Variants in TMPO observed in about 807,000 individuals in gnomAD.
TMPO encodes the protein LEM domain containing 4.
Under a neutral mutation model 45.4 loss-of-function variants are expected in TMPO, and 22 were observed. The observed-to-expected ratio is 0.48, with a 90% CI of 0.35 to 0.69. The LOEUF is 0.69. Among genes scored for constraint, TMPO ranks in the 30% least tolerant of loss-of-function variants. TMPO has a pLI of 0.01. For synonymous variants in TMPO, 241 were observed against 204.1 expected, an observed-to-expected ratio of 1.18 and a Z score of -1.54; for missense variants, 512 against 548.8, an observed-to-expected ratio of 0.93 and a Z score of 0.67.
At position 98,527,878 on chromosome 12, in the gene TMPO, G is replaced by A. The variant is rs943754313; in HGVS notation, c.280-8G>A. On this transcript the variant is annotated splice_region_variant and splice_polypyrimidine_tract_variant and intron_variant, in intron 1 of 8. Transcript: ENST00000556029. Reference sequence around the variant, plus strand: ...CATATGGAAATGATTACTGGACTTTGTTTACAGAAAGCCACAAAAAAAACT... The same window carrying A: ...CATATGGAAATGATTACTGGACTTTATTTACAGAAAGCCACAAAAAAAACT... The A allele has an allele frequency of 1.2e-5, 19 of 1,613,228 alleles. No individual in the cohort carries two copies. The highest frequency in any genetic ancestry group is 6.7e-5 in the Admixed American group (4 of 59,950).
intron 3 of TMPO, chr12:98,534,656 A>T (rs1474390030): frequency 1.7e-6 from 2 of 1,174,558 alleles, no homozygotes; most frequent in Non-Finnish European, 2.1e-6. Flanking sequence ...TCTAATTAGG[A>T]TATAAGGAGT....
rs201960762 is a variant in TMPO, at chr12:98,515,939, T to C, written c.72T>C (p.Asn24=). 4 of 1,613,458 alleles carry C rather than the reference T, an allele frequency of 2.5e-6. No individual in the cohort carries two copies. The African/African-American group carries it at 4.0e-5, about 16-fold the overall frequency. ...TGAAGAGTGAGTTGGTCGCCAACAA[T>C]GTGACGCTGCCGGCCGGGGAGCAGC... ...DKLKSELVAN[N]VTLPAGEQRK... Residue 24 remains asparagine (N), a synonymous_variant, in exon 1 of 9, where the codon AAT becomes AAC. Coordinates refer to ENST00000556029, the MANE Select transcript of TMPO (RefSeq NM_001032283.3).
At chr12:98,544,597 A>C in intron 6 of TMPO, 60 bp downstream of exon 6, 1 of 1,384,264 alleles carries the variant, frequency 7.2e-7, no homozygotes, top group Non-Finnish European at 1.0e-6. Context: ...TTTAATTGGA[A>C]ATGGGGAGGT....
At position 98,547,862 on chromosome 12, in the gene TMPO, G is replaced by A. The variant is rs1471894531; in HGVS notation, c.*4G>A. 5 of 1,613,792 alleles carry A rather than the reference G, an allele frequency of 3.1e-6. No individual in the cohort carries two copies. The South Asian group carries it at 3.3e-5, about 11-fold the overall frequency. ...TGACCCTAGAAAATCCAACTGAATG[G>A]TATCTCTTTGGCACGTTCAACTTGG... On this transcript the variant is annotated 3_prime_UTR_variant, in exon 9 of 9. Coordinates refer to ENST00000556029, the MANE Select transcript of TMPO (RefSeq NM_001032283.3).
chr12:98,524,434 T>A (rs966667184), intron 1 of TMPO, among the ~76,000 whole-genome samples: 3 of 152,148 alleles, frequency 2.0e-5, no homozygotes, highest in African/African-American at 7.2e-5. Context: ...TAGCTGGGCG[T>A]GGTGGCATGC....
chr12:98,538,572 C>T (rs932718334), intron 4 of TMPO, among the ~76,000 whole-genome samples: 6 of 152,116 alleles, frequency 3.9e-5, no homozygotes, highest in Non-Finnish European at 2.9e-5. Context: ...AGGCTGGTCT[C>T]AAACTCCTGA....
intron 1 of TMPO, among the ~76,000 whole-genome samples, chr12:98,520,720 G>T (rs1021872740): frequency 8.6e-5 from 13 of 151,490 alleles, no homozygotes; most frequent in African/African-American, 3.2e-4. Flanking sequence ...GCCTAGCTGA[G>T]ACTACAGGTG....
intron 7 of TMPO, among the ~76,000 whole-genome samples, 154 bp downstream of exon 7, chr12:98,545,215 A>G (rs1878161228): frequency 6.7e-6 from 1 of 148,872 alleles, no homozygotes; most frequent in Non-Finnish European, 1.5e-5. Flanking sequence ...TATTTTAAGG[A>G]CACTTTTATT....
At chr12:98,525,738 CAAA>C (rs34394677) in intron 1 of TMPO, among the ~76,000 whole-genome samples, 14 of 95,694 alleles carry the variant, frequency 1.5e-4, no homozygotes, top group Non-Finnish European at 1.5e-4. Context: ...GGCACAGTCT[CAAA>C]AAAAAAAAAA....
chr12:98,517,287 G>A (rs1396348816), intron 1 of TMPO, among the ~76,000 whole-genome samples: 2 of 152,230 alleles, frequency 1.3e-5, no homozygotes, highest in Non-Finnish European at 2.9e-5. Context: ...ATCGGCTCCA[G>A]CAAAGCATGT....
Position 98,547,869 on chromosome 12 carries a change from T to C in TMPO, c.*11T>C. On this transcript the variant is annotated 3_prime_UTR_variant, in exon 9 of 9. Coordinates refer to ENST00000556029, the MANE Select transcript of TMPO (RefSeq NM_001032283.3). Reference sequence around the variant, plus strand: ...AGAAAATCCAACTGAATGGTATCTCTTTGGCACGTTCAACTTGGTCTCCTA... The same window carrying C: ...AGAAAATCCAACTGAATGGTATCTCCTTGGCACGTTCAACTTGGTCTCCTA... 6.2e-7 allele frequency: 1 copy of C among 1,613,658 alleles called. No individual in the cohort carries two copies.
chr12:98,544,207 T>C (rs1318412611), intron 4 of TMPO, 23 bp from the exon 5 acceptor site: 2 of 1,612,938 alleles, frequency 1.2e-6, no homozygotes, highest in African/African-American at 2.7e-5. Flanking sequence ...ATATGACTTT[T>C]TAATGTGTTG....
At chr12:98,544,914 G>A (rs1308999562) in intron 6 of TMPO, 37 bp from the exon 7 acceptor site, 3 of 1,395,094 alleles carry the variant, frequency 2.2e-6, no homozygotes, top group Non-Finnish European at 3.1e-6. Context: ...TGTTATGTTT[G>A]GATAATTCTG....
chr12:98,528,247 C>G (rs1379366243), intron 2 of TMPO, among the ~76,000 whole-genome samples: 1 of 136,284 alleles, frequency 7.3e-6, no homozygotes, highest in African/African-American at 2.8e-5. Context: ...GTGCTTATAT[C>G]GTACTTTTTT....
chr12:98,533,864 T>C lies in TMPO; in HGVS notation c.565+2026T>C, dbSNP rs1555203926. 1.9e-6 allele frequency: 3 copies of C among 1,614,220 alleles called. No individual in the cohort carries two copies. Among genetic ancestry groups the C allele is most frequent in the Non-Finnish European group, 2.5e-6 (3 of 1,180,036 alleles). On this transcript the variant is annotated intron_variant, in intron 3 of 8. Coordinates refer to ENST00000556029, the MANE Select transcript of TMPO (RefSeq NM_001032283.3). ...ACACAGATATTATCAGTTCCAAAAG[T>C]AGATGATGAAATCCTAGGGTTTATT...
chr12:98,521,944 TCTCAAACTCCTTCCTGACTTTGTGATCTG>T (rs1876402450), intron 1 of TMPO, among the ~76,000 whole-genome samples: 1 of 152,096 alleles, frequency 6.6e-6, no homozygotes, highest in African/African-American at 2.4e-5. Context: ...GTCAGGCCGG[TCTCAAACTCCTTCCTGACTTTGTGATCTG>T]CCCCCCTTAG....
At chr12:98,531,209 G>C (rs906627354) in intron 2 of TMPO, among the ~76,000 whole-genome samples, 1 of 149,096 alleles carries the variant, frequency 6.7e-6, no homozygotes, top group Non-Finnish European at 1.5e-5. Context: ...GGAGGTGCTG[G>C]GATTACAGGC....
At chr12:98,523,385 C>G (rs1876522697) in intron 1 of TMPO, among the ~76,000 whole-genome samples, 2 of 152,036 alleles carry the variant, frequency 1.3e-5, no homozygotes, top group South Asian at 4.1e-4. Flanking sequence ...GAAATCCTGT[C>G]TCTTCTAAAA....
intron 1 of TMPO, among the ~76,000 whole-genome samples, chr12:98,527,132 A>T (rs1876823761): frequency 6.6e-6 from 1 of 152,076 alleles, no homozygotes; most frequent in African/African-American, 2.4e-5. Context: ...GTCTGGCTTT[A>T]CTTTCCATGG....
Sources: allele counts gnomAD v4.1 joint callset (sites outside exome capture counted in the v4.1 genomes callset), GRCh38; gene constraint gnomAD v4.1.1; transcripts MANE v1.5; gene names NCBI Gene and HGNC (gene_info 2026-07-23, HGNC 2026-07-21).